PTRH2: variants seen among roughly 807,000 people sequenced by gnomAD.
The protein encoded by PTRH2 is peptidyl-tRNA hydrolase 2, mitochondrial.
Under a neutral mutation model 12.3 loss-of-function variants are expected in PTRH2, and 10 were observed. That is an observed-to-expected ratio of 0.81 (90% CI 0.50 to 1.38). The LOEUF (loss-of-function observed/expected upper bound fraction) is 1.38. Among genes scored for constraint, PTRH2 ranks in the 40% most tolerant of loss-of-function variants. The pLI, the probability that PTRH2 is intolerant of heterozygous loss-of-function variation, is 0.00. For synonymous variants in PTRH2, 73 were observed against 77.4 expected, an observed-to-expected ratio of 0.94 and a Z score of 0.30; for missense variants, 176 against 214.1, an observed-to-expected ratio of 0.82 and a Z score of 1.11.
chr17:59,705,168 A>G (rs2143652117), intron 1 of PTRH2, among the ~76,000 whole-genome samples: 1 of 152,366 alleles, frequency 6.6e-6, no homozygotes, highest in East Asian at 1.9e-4. Context: ...ACAAATATGC[A>G]ATGTCAGCAA....
At chr17:59,707,271 A>G (rs975819442) in intron 1 of PTRH2, 100 bp downstream of exon 1, 2 of 152,678 alleles carry the variant, frequency 1.3e-5, no homozygotes, top group African/African-American at 2.4e-5. Flanking sequence ...AAAATGAAGA[A>G]GGTGGGTAAT....
At chr17:59,704,045 T>TG (rs2033600158) in intron 1 of PTRH2, among the ~76,000 whole-genome samples, 1 of 151,048 alleles carries the variant, frequency 6.6e-6, no homozygotes, top group African/African-American at 2.4e-5. Flanking sequence ...TGACCTCAGG[T>TG]GATCCACCCA....
At chr17:59,704,200 TAA>T (rs947126385) in intron 1 of PTRH2, among the ~76,000 whole-genome samples, 1 of 152,004 alleles carries the variant, frequency 6.6e-6, no homozygotes, top group Admixed American at 6.5e-5. Context: ...GAATGAGAAA[TAA>T]AAAAAGTGTC....
intron 1 of PTRH2, among the ~76,000 whole-genome samples, chr17:59,705,460 C>T (rs1051882750): frequency 6.6e-6 from 1 of 152,056 alleles, no homozygotes; most frequent in African/African-American, 2.4e-5. Flanking sequence ...CCCTCTGTCA[C>T]CCAGGCTAGA....
chr17:59,704,950 G>A (rs1252094330), intron 1 of PTRH2, among the ~76,000 whole-genome samples: 1 of 151,916 alleles, frequency 6.6e-6, no homozygotes, highest in African/African-American at 2.4e-5. Flanking sequence ...ACCACACCTG[G>A]CTAATTTTTG....
chr17:59,697,486 G>C lies in PTRH2; in HGVS notation c.493C>G (p.Pro165Ala). ...SQTVLGIGPG[P>A]ADLIDKVTGH... is the part of the protein sequence containing the mutation. ...GTGACTTTGTCAATTAGGTCTGCTGGTCCTGGCCCAATCCCTAGGACAGTT... is the reference window on the plus strand; with the variant it reads ...GTGACTTTGTCAATTAGGTCTGCTGCTCCTGGCCCAATCCCTAGGACAGTT... Residue 165 changes from proline to alanine, a missense_variant, in exon 2 of 2, where the codon CCA (proline) becomes GCA (alanine). Pro to Ala is a conservative substitution (Grantham distance 27). Transcript: ENST00000393038. The C allele has an allele frequency of 6.2e-7, 1 of 1,614,034 alleles. No individual in the cohort carries two copies. Among genetic ancestry groups the C allele is most frequent in the Non-Finnish European group, 8.5e-7 (1 of 1,179,972 alleles).
intron 1 of PTRH2, 111 bp from the exon 2 acceptor site, chr17:59,698,089 G>T: frequency 9.0e-7 from 1 of 1,107,040 alleles, no homozygotes; most frequent in Non-Finnish European, 1.3e-6. Flanking sequence ...CAGAAAAAAG[G>T]CAAAACACAC....
At chr17:59,698,802 T>C (rs969139813) in intron 1 of PTRH2, 2 of 695,460 alleles carry the variant, frequency 2.9e-6, no homozygotes, top group Non-Finnish European at 2.6e-6. Flanking sequence ...TCTTTTATAA[T>C]AGTGTTGAAT....
Position 59,697,905 on chromosome 17 carries a change from C to G in PTRH2, c.74G>C (p.Cys25Ser). 1 of 1,614,104 alleles carries G rather than the reference C, an allele frequency of 6.2e-7. No homozygotes were observed. Among genetic ancestry groups the G allele is most frequent in the Non-Finnish European group, 8.5e-7 (1 of 1,180,030 alleles). Residue 25 changes from cysteine (C) to serine (S), a missense_variant, in exon 2 of 2, where the codon TGT becomes TCT. By Grantham distance (112) the Cys-to-Ser change is moderately radical (BLOSUM62 -1). Transcript: ENST00000393038. ...AAGGCTCCAGCCCAGGCACATGCCA[C>G]AAGCAACTCCAACAGCCAAGCCGAG... ...STLGLAVGVACGMCLGWSLRV... is the reference protein window; with the variant it reads ...STLGLAVGVASGMCLGWSLRV...
intron 1 of PTRH2, among the ~76,000 whole-genome samples, chr17:59,703,237 T>A (rs2033585451): frequency 6.6e-6 from 1 of 152,086 alleles, no homozygotes; most frequent in East Asian, 1.9e-4. Context: ...TTGCCCAGGC[T>A]GGTCTCGAAC....
chr17:59,701,344 A>G (rs191016314), intron 1 of PTRH2: 1 of 152,342 alleles, frequency 6.6e-6, no homozygotes, highest in Admixed American at 6.5e-5. Flanking sequence ...GATGCATGCT[A>G]TTTATCTAGA....
At chr17:59,698,616 GCTC>G (rs2033495252) in intron 1 of PTRH2, 1 of 461,810 alleles carries the variant, frequency 2.2e-6, no homozygotes, top group Admixed American at 3.9e-5. Flanking sequence ...ATGTACAGGT[GCTC>G]CTCAATTTTC....
chr17:59,698,560 C>T (rs1038727765), intron 1 of PTRH2: 1 of 287,388 alleles, frequency 3.5e-6, no homozygotes, highest in Non-Finnish European at 6.5e-6. Context: ...GAGAACTCAA[C>T]ATCATTTTAC....
intron 1 of PTRH2, among the ~76,000 whole-genome samples, chr17:59,706,059 T>C (rs2033646970): frequency 6.6e-6 from 1 of 152,234 alleles, no homozygotes; most frequent in Admixed American, 6.5e-5. Context: ...TAGGATGTTC[T>C]AATCTCATAT....
Position 59,697,337 on chromosome 17 carries a change from C to T in PTRH2, c.*102G>A. 7.4e-7 allele frequency: 1 copy of T among 1,351,668 alleles called. No homozygotes were observed. Among genetic ancestry groups the T allele is most frequent in the Non-Finnish European group, 1.0e-6 (1 of 991,154 alleles). The allele number at this position is 1,351,668 out of a possible 1,614,324, so 83.7% of individuals were successfully genotyped here. On this transcript the variant is annotated 3_prime_UTR_variant, in exon 2 of 2. Transcript: ENST00000393038. ...ATGGGAATAGGTTTTATTTTCATCT[C>T]AAGAACATTTAAGTTGGGTGAAGAA... is the stretch of plus-strand genomic sequence containing the variant.
At chr17:59,704,858 A>C (rs2143651411) in intron 1 of PTRH2, among the ~76,000 whole-genome samples, 1 of 151,928 alleles carries the variant, frequency 6.6e-6, no homozygotes, top group East Asian at 1.9e-4. Context: ...GCGCCATCTC[A>C]GCTCACTGCA....
intron 1 of PTRH2, among the ~76,000 whole-genome samples, chr17:59,706,119 C>A (rs771570478): frequency 6.6e-6 from 1 of 152,198 alleles, no homozygotes; most frequent in African/African-American, 2.4e-5. Context: ...ATGTCTGTCT[C>A]TTTTTCTGTA....
At chr17:59,703,817 CT>C (rs1053309031) in intron 1 of PTRH2, among the ~76,000 whole-genome samples, 2 of 147,576 alleles carry the variant, frequency 1.4e-5, no homozygotes, top group Admixed American at 6.8e-5. Context: ...AGCCCTTGTT[CT>C]TTTTTTTGGA....
At chr17:59,702,000 G>A (rs182677744) in intron 1 of PTRH2, among the ~76,000 whole-genome samples, 16 of 151,902 alleles carry the variant, frequency 1.1e-4, no homozygotes, top group East Asian at 1.9e-4. Context: ...CACTGTGCTC[G>A]GCCAAAACTT....
Sources: gnomAD v4.1 joint callset for allele counts (sites outside exome capture counted in the v4.1 genomes callset) on GRCh38, gnomAD v4.1.1 for gene constraint, MANE v1.5 for transcripts, NCBI Gene and HGNC (gene_info 2026-07-23, HGNC 2026-07-21) for gene names.